Variants in CELF2 observed in about 807,000 individuals in gnomAD.
CELF2 encodes the protein CUG triplet repeat RNA-binding protein 2.
In CELF2, 8 loss-of-function variants were observed where a neutral mutation model predicts 62.6. That is an observed-to-expected ratio of 0.13 (90% CI 0.07 to 0.23). The LOEUF (loss-of-function observed/expected upper bound fraction) is 0.23. Among genes scored for constraint, CELF2 ranks in the 10% least tolerant of loss-of-function variants. The pLI, the probability that CELF2 is intolerant of heterozygous loss-of-function variation, is 1.00. For missense variants in CELF2, 333 were observed against 671.0 expected (o/e 0.50, Z 5.56); for synonymous variants, 258 against 250.0 (o/e 1.03, Z -0.30).
chr10:11,081,702 ATTTGT>A (rs763445816), intron 1 of CELF2, among the ~76,000 whole-genome samples: 10 of 152,184 alleles, frequency 6.6e-5, no homozygotes, highest in Non-Finnish European at 1.0e-4. Flanking sequence ...ATTTTGACAG[ATTTGT>A]TTTTTCTCTG....
At chr10:10,994,713 C>T (rs1349803159) in intron 2 of CELF2, among the ~76,000 whole-genome samples, 1 of 152,100 alleles carries the variant, frequency 6.6e-6, no homozygotes, top group Non-Finnish European at 1.5e-5. Flanking sequence ...ATCTCAAAAC[C>T]ATCATTCCCC....
chr10:11,299,053 G>A (rs887153892), intron 9 of CELF2, among the ~76,000 whole-genome samples: 3 of 152,234 alleles, frequency 2.0e-5, no homozygotes, highest in Admixed American at 6.5e-5. Flanking sequence ...GTGTTCTGCT[G>A]TTCAAGGGAA....
chr10:10,766,039 C>T, the CELF2 span, among the ~76,000 whole-genome samples: 1 of 152,222 alleles, frequency 6.6e-6, no homozygotes, highest in South Asian at 2.1e-4. Context: ...TCCGGCACTC[C>T]AACCTGAGAA....
the CELF2 span, among the ~76,000 whole-genome samples, chr10:10,601,734 TTTTTTTAA>T: frequency 6.6e-6 from 1 of 152,040 alleles, no homozygotes; most frequent in South Asian, 2.1e-4. Flanking sequence ...TCTTTTTTTT[TTTTTTTAA>T]TTTTAAGTTC....
Position 10,931,056 on chromosome 10 carries a change from A to C in CELF2, c.89+11057A>C, listed in dbSNP as rs1331410302. Reference sequence around the variant, plus strand: ...TCGAGCTACCAAGAACACATAAATTAATAAAATTTATTCCCATGTATACAT... The same window carrying C: ...TCGAGCTACCAAGAACACATAAATTCATAAAATTTATTCCCATGTATACAT... On this transcript the variant is annotated intron_variant, in intron 2 of 13. Coordinates refer to the CELF2 transcript ENST00000636488. The surrounding 1 kb of genome is among the most constrained non-coding windows in gnomAD (Gnocchi z 6.1). Among the ~76,000 whole-genome samples, 1 of 152,220 alleles carries C rather than the reference A, an allele frequency of 6.6e-6. No homozygotes were observed. Among genetic ancestry groups the C allele is most frequent in the Non-Finnish European group, 1.5e-5 (1 of 68,046 alleles).
chr10:10,512,358 A>G, the CELF2 span, among the ~76,000 whole-genome samples: 2 of 151,318 alleles, frequency 1.3e-5, no homozygotes, highest in Non-Finnish European at 1.5e-5. Context: ...ATTAAACACA[A>G]GACCTTCCTT....
At chr10:11,086,835 C>A (rs968420821) in intron 1 of CELF2, among the ~76,000 whole-genome samples, 1 of 152,126 alleles carries the variant, frequency 6.6e-6, no homozygotes, top group African/African-American at 2.4e-5. Flanking sequence ...AAATATATTT[C>A]TACACATTCC....
the CELF2 span, among the ~76,000 whole-genome samples, chr10:10,642,897 C>T: frequency 6.6e-6 from 1 of 152,204 alleles, no homozygotes; most frequent in South Asian, 2.1e-4. Flanking sequence ...TGCCATCTGA[C>T]CCCGGTGTTG....
At chr10:11,230,582 C>T (rs923751983) in intron 3 of CELF2, among the ~76,000 whole-genome samples, 2 of 152,182 alleles carry the variant, frequency 1.3e-5, no homozygotes, top group Admixed American at 6.5e-5. Context: ...AGTAGGGCAG[C>T]CTGACTATGG....
At chr10:11,060,030 G>T (rs945759700) in intron 1 of CELF2, among the ~76,000 whole-genome samples, 2 of 152,180 alleles carry the variant, frequency 1.3e-5, no homozygotes, top group African/African-American at 4.8e-5. Context: ...GAAATCAGAG[G>T]CTTGTGCTCA....
At position 11,008,495 on chromosome 10, in the gene CELF2, A is replaced by G. The variant is rs2055729314; in HGVS notation, c.53+3055A>G. Among the ~76,000 whole-genome samples the G allele has an allele frequency of 6.6e-6, 1 of 152,252 alleles. No homozygotes were observed. The highest frequency in any genetic ancestry group is 1.5e-5 in the Non-Finnish European group (1 of 68,036). ...GAAAAACGAAAGTGAGCATTTGATT[A>G]GTATTCATATCTAGAACTTTGTAGC... On this transcript the variant is annotated intron_variant, in intron 1 of 12. Coordinates refer to the CELF2 transcript ENST00000416382. This position sits in a 1 kb window ranked among gnomAD's most constrained non-coding sequence, Gnocchi z 4.5.
At chr10:10,636,427 A>G in the CELF2 span, among the ~76,000 whole-genome samples, 1 of 152,220 alleles carries the variant, frequency 6.6e-6, no homozygotes, top group Non-Finnish European at 1.5e-5. Context: ...GTTCAGCAAT[A>G]AAATCAGATT....
the CELF2 span, among the ~76,000 whole-genome samples, chr10:10,780,395 C>G: frequency 1.3e-5 from 2 of 152,144 alleles, no homozygotes; most frequent in Non-Finnish European, 2.9e-5. Flanking sequence ...GCAGTATATC[C>G]TGGTAAATTC....
At chr10:10,594,861 T>G in the CELF2 span, among the ~76,000 whole-genome samples, 1 of 150,832 alleles carries the variant, frequency 6.6e-6, no homozygotes, top group Non-Finnish European at 1.5e-5. Flanking sequence ...ACTAAGTCAG[T>G]TCTTTCAGGA....
chr10:10,978,266 C>T (rs2051606333), intron 2 of CELF2, among the ~76,000 whole-genome samples: 3 of 152,116 alleles, frequency 2.0e-5, no homozygotes. Flanking sequence ...TAGCCTAATG[C>T]TTTGTACAAT....
chr10:10,892,147 A>G (rs565986861), intron 1 of CELF2, among the ~76,000 whole-genome samples: 1 of 152,190 alleles, frequency 6.6e-6, no homozygotes, highest in Non-Finnish European at 1.5e-5. Flanking sequence ...TTTGAGAGCA[A>G]GAAATAATTA....
At chr10:11,009,085 C>T (rs1315852153) in intron 1 of CELF2, among the ~76,000 whole-genome samples, 2 of 139,734 alleles carry the variant, frequency 1.4e-5, no homozygotes, top group Admixed American at 7.6e-5. Context: ...GATTCTTTTT[C>T]TGAACTAACA....
intron 1 of CELF2, among the ~76,000 whole-genome samples, chr10:11,036,161 T>C (rs1034556845): frequency 1.3e-5 from 2 of 152,244 alleles, no homozygotes; most frequent in Non-Finnish European, 2.9e-5. Flanking sequence ...AACAGGTCCA[T>C]AAACTGACTC....
chr10:10,883,984 C>G (rs1160581556), intron 1 of CELF2, among the ~76,000 whole-genome samples: 4 of 151,816 alleles, frequency 2.6e-5, no homozygotes, highest in Non-Finnish European at 2.9e-5. Context: ...CCTCTCTCTA[C>G]ACCTCTTCCT....
Sources: allele counts gnomAD v4.1 joint callset (sites outside exome capture counted in the v4.1 genomes callset), GRCh38; gene constraint gnomAD v4.1.1; non-coding constraint Gnocchi (gnomAD v3.1); transcripts MANE v1.5; gene names NCBI Gene and HGNC (gene_info 2026-07-23, HGNC 2026-07-21).